The following HCRTR2 variants were observed in gnomAD, a reference collection of about 807,000 sequenced individuals.
The protein encoded by HCRTR2 is orexin receptor type 2.
HCRTR2 carries 22 observed loss-of-function variants against 49.0 expected under a neutral mutation model. The observed-to-expected ratio is 0.45, with a 90% confidence interval of 0.32 to 0.64. The LOEUF is 0.64. HCRTR2 is among the 30% of genes least tolerant of loss of function. The pLI is 0.04. For synonymous variants in HCRTR2, 236 were observed against 205.3 expected (o/e 1.15, Z -1.28); for missense variants, 491 against 559.4 (o/e 0.88, Z 1.23).
chr6:55,187,093 G>A (rs1765228773), intron 1 of HCRTR2, among the ~76,000 whole-genome samples: 3 of 151,720 alleles, frequency 2.0e-5, no homozygotes, highest in Admixed American at 2.0e-4. Context: ...AAAAATCAAA[G>A]TGTAACCTCA....
At chr6:55,248,061 TG>T (rs530492570) in intron 1 of HCRTR2, among the ~76,000 whole-genome samples, 264 of 152,214 alleles carry the variant, frequency 1.7e-3, no homozygotes, top group African/African-American at 6.1e-3. Flanking sequence ...TTATAAAATG[TG>T]GGTGATATCA....
At chr6:55,205,812 C>T (rs1055392911) in intron 1 of HCRTR2, among the ~76,000 whole-genome samples, 5 of 151,950 alleles carry the variant, frequency 3.3e-5, no homozygotes, top group African/African-American at 1.2e-4. Flanking sequence ...CCCATGTTTT[C>T]AGCCTTGCCC....
At chr6:55,275,071 C>G (rs566807898) in intron 4 of HCRTR2, among the ~76,000 whole-genome samples, 1 of 152,194 alleles carries the variant, frequency 6.6e-6, no homozygotes, top group African/African-American at 2.4e-5. Flanking sequence ...ATTGTTTATT[C>G]ATAATGTTTT....
At chr6:55,221,417 A>G (rs967808375) in intron 1 of HCRTR2, among the ~76,000 whole-genome samples, 3 of 152,246 alleles carry the variant, frequency 2.0e-5, no homozygotes, top group Admixed American at 6.5e-5. Flanking sequence ...AAGACTATGG[A>G]CAGGATAGTC....
At chr6:55,157,671 G>C (rs1047877055) in intron 1 of HCRTR2, among the ~76,000 whole-genome samples, 5 of 152,212 alleles carry the variant, frequency 3.3e-5, no homozygotes, top group African/African-American at 1.2e-4. Flanking sequence ...TAAGTTCCAG[G>C]CAGCCAGCAA....
At chr6:55,241,904 T>G (rs1041464905) in intron 1 of HCRTR2, among the ~76,000 whole-genome samples, 2 of 140,928 alleles carry the variant, frequency 1.4e-5, no homozygotes, top group African/African-American at 5.3e-5. Context: ...AGCCTCACTC[T>G]GTCGCCCAGG....
At chr6:55,245,520 G>C (rs577970728) in intron 1 of HCRTR2, among the ~76,000 whole-genome samples, 1 of 129,370 alleles carries the variant, frequency 7.7e-6, no homozygotes, top group Non-Finnish European at 1.6e-5. Context: ...CCCCAAAAGT[G>C]TGCCTTGGCT....
At chr6:55,280,071 A>G (rs1767159189) in intron 5 of HCRTR2, among the ~76,000 whole-genome samples, 1 of 152,206 alleles carries the variant, frequency 6.6e-6, no homozygotes, top group African/African-American at 2.4e-5. Flanking sequence ...TACAAGAAAT[A>G]CTGCATCTGC....
intron 1 of HCRTR2, among the ~76,000 whole-genome samples, chr6:55,127,830 C>T (rs1373320590): frequency 1.3e-5 from 2 of 151,972 alleles, no homozygotes; most frequent in African/African-American, 4.8e-5. Context: ...ACATTTATCA[C>T]TAGATGAATA....
chr6:55,153,076 C>A (rs9367618), intron 1 of HCRTR2, among the ~76,000 whole-genome samples: 1,660 of 152,010 alleles, frequency 0.011, 10 homozygotes, highest in East Asian at 0.03. Context: ...TGTGGTGCAA[C>A]GTAAGCATCC....
At chr6:55,229,976 T>C (rs968917993) in intron 1 of HCRTR2, among the ~76,000 whole-genome samples, 7 of 152,078 alleles carry the variant, frequency 4.6e-5, no homozygotes, top group Non-Finnish European at 1.0e-4. Context: ...AAAAACTACT[T>C]GGGAAACAAA....
At chr6:55,154,876 G>A (rs1175867313) in intron 1 of HCRTR2, among the ~76,000 whole-genome samples, 2 of 151,616 alleles carry the variant, frequency 1.3e-5, no homozygotes, top group Non-Finnish European at 3.0e-5. Context: ...AATGAATTCA[G>A]TACAGTTGCA....
intron 1 of HCRTR2, among the ~76,000 whole-genome samples, chr6:55,113,666 G>T (rs569713802): frequency 2.0e-5 from 3 of 151,930 alleles, no homozygotes; most frequent in Non-Finnish European, 4.4e-5. Flanking sequence ...TGTGGATGTG[G>T]TGAAAAGGGA....
At chr6:55,181,260 C>T (rs1457149886) in intron 1 of HCRTR2, among the ~76,000 whole-genome samples, 1 of 152,090 alleles carries the variant, frequency 6.6e-6, no homozygotes, top group Non-Finnish European at 1.5e-5. Context: ...AAACACATGA[C>T]CCATATGACC....
intron 1 of HCRTR2, among the ~76,000 whole-genome samples, chr6:55,201,633 T>C (rs954937552): frequency 6.6e-6 from 1 of 152,164 alleles, no homozygotes; most frequent in East Asian, 1.9e-4. Context: ...GATTTACTAG[T>C]GGTGGAAAAG....
chr6:55,245,738 C>T (rs76682608), intron 1 of HCRTR2, among the ~76,000 whole-genome samples: 3,217 of 151,686 alleles, frequency 0.021, 66 homozygotes, highest in Middle Eastern at 0.075. Context: ...ATAAGTTTCA[C>T]ATGATGGATT....
At chr6:55,135,482 C>T (rs73432943) in intron 1 of HCRTR2, among the ~76,000 whole-genome samples, 5,621 of 152,040 alleles carry the variant, frequency 0.037, 344 homozygotes, top group African/African-American at 0.13. Context: ...TGAAAGTTGC[C>T]CAAAAACCCA....
rs183914228 is a variant in HCRTR2 at position 55,250,939 on chromosome 6, A to G, written c.402+2122A>G. ...TTACCCCATCTAACATTACTTCTTG[A>G]TGGAAAGGTGTAAATGCACCAAGAG... On this transcript the variant is annotated intron_variant, in intron 2 of 6. Transcript: ENST00000370862. Among the ~76,000 whole-genome samples, 137 of 152,262 alleles carry G rather than the reference A, an allele frequency of 9.0e-4. 1 individual carries two copies. Among genetic ancestry groups the G allele is most frequent in the African/African-American group, 3.2e-3 (135 of 41,572 alleles).
At chr6:55,220,371 A>C (rs534370599) in intron 1 of HCRTR2, among the ~76,000 whole-genome samples, 2 of 152,312 alleles carry the variant, frequency 1.3e-5, no homozygotes, top group East Asian at 3.9e-4. Flanking sequence ...GACCAAGTTG[A>C]ATTTATCTCT....
Sources: allele counts gnomAD v4.1 joint callset (sites outside exome capture counted in the v4.1 genomes callset), GRCh38; gene constraint gnomAD v4.1.1; transcripts MANE v1.5; gene names NCBI Gene and HGNC (gene_info 2026-07-23, HGNC 2026-07-21).